BTC: variants seen among roughly 807,000 people sequenced by gnomAD.
The protein encoded by BTC is probetacellulin.
A neutral mutation model predicts 18.1 loss-of-function variants in BTC; 13 were observed. That is an observed-to-expected ratio of 0.72 (90% CI 0.47 to 1.14). The LOEUF is 1.14. Among genes scored for constraint, BTC ranks in the 50% most tolerant of loss-of-function variants. The pLI, the probability that BTC is intolerant of heterozygous loss-of-function variation, is 0.00. For missense variants in BTC, 247 were observed against 224.2 expected, an observed-to-expected ratio of 1.10 and a Z score of -0.65; for synonymous variants, 83 against 79.4, an observed-to-expected ratio of 1.05 and a Z score of -0.24.
At chr4:74,770,671 C>T (rs1725014229) in intron 1 of BTC, among the ~76,000 whole-genome samples, 1 of 151,914 alleles carries the variant, frequency 6.6e-6, no homozygotes, top group East Asian at 1.9e-4. Flanking sequence ...CTGAGAAGGA[C>T]GGGCCACATG....
At position 74,745,187 on chromosome 4, in the gene BTC, G is replaced by GA. The variant is rs1553955239; in HGVS notation, c.*1489dup. The GA allele has an allele frequency of 6.6e-6, 1 of 152,146 alleles. No individual in the cohort carries two copies. Among genetic ancestry groups the GA allele is most frequent in the African/African-American group, 2.4e-5 (1 of 41,442 alleles). 9.4% of individuals were successfully genotyped at this position (152,146 alleles called of 1,614,324 possible). On this transcript the variant is annotated 3_prime_UTR_variant, in exon 6 of 6. Transcript: ENST00000395743. Reference sequence around the variant, plus strand: ...TTCAAGTATGACCATTAAATCAGGAGAAAAAATAGATTTTGAAAATTATCA... The same window carrying GA: ...TTCAAGTATGACCATTAAATCAGGAGAAAAAAATAGATTTTGAAAATTATCA...
intron 1 of BTC, among the ~76,000 whole-genome samples, chr4:74,791,889 A>G (rs915831700): frequency 2.6e-5 from 4 of 152,014 alleles, no homozygotes; most frequent in African/African-American, 9.7e-5. Context: ...ACTTACAGAC[A>G]TCTCGGAGTC....
In BTC at chr4:74,755,971, T is replaced by C. The variant is rs2109884115; in HGVS notation, c.169A>G (p.Thr57Ala). 6.2e-7 allele frequency: 1 copy of C among 1,613,478 alleles called. No individual in the cohort carries two copies. The highest frequency in any genetic ancestry group is 2.2e-5 in the East Asian group (1 of 44,886). ...TGGCCTTTCCGCTTTGATTGTGTGGTGGTAGCTGGAAAATGAGAAAAAGTT... is the reference window on the plus strand; with the variant it reads ...TGGCCTTTCCGCTTTGATTGTGTGGCGGTAGCTGGAAAATGAGAAAAAGTT... The part of the protein sequence containing the change: ...GDPEENCAAT[T>A]TQSKRKGHFS... Residue 57 changes from threonine to alanine, a missense_variant, in exon 3 of 6, where the codon ACC (threonine) becomes GCC (alanine). Physicochemically the swap from Thr to Ala is moderately conservative, Grantham distance 58. Transcript: ENST00000395743.
intron 2 of BTC, among the ~76,000 whole-genome samples, chr4:74,758,466 C>A (rs1407163525): frequency 1.3e-5 from 2 of 151,856 alleles, no homozygotes; most frequent in African/African-American, 4.8e-5. Context: ...GGAGGGAGGG[C>A]AAGGAGATTA....
At chr4:74,784,962 C>T (rs917413807) in intron 1 of BTC, among the ~76,000 whole-genome samples, 1 of 152,118 alleles carries the variant, frequency 6.6e-6, no homozygotes, top group African/African-American at 2.4e-5. Flanking sequence ...GAAGTAATCC[C>T]TCCTTTTTAA....
chr4:74,762,095 G>A (rs1724773192), intron 2 of BTC, among the ~76,000 whole-genome samples: 1 of 152,196 alleles, frequency 6.6e-6, no homozygotes, highest in Non-Finnish European at 1.5e-5. Context: ...AAATGATACA[G>A]TCAGTACATA....
chr4:74,752,705 C>A (rs4346717), intron 3 of BTC, among the ~76,000 whole-genome samples: 1 of 151,732 alleles, frequency 6.6e-6, no homozygotes, highest in Admixed American at 6.6e-5. Context: ...TGCATGTATA[C>A]GAGGGAGATT....
intron 2 of BTC, among the ~76,000 whole-genome samples, chr4:74,768,792 G>A (rs1322331565): frequency 6.6e-6 from 1 of 152,128 alleles, no homozygotes; most frequent in African/African-American, 2.4e-5. Flanking sequence ...ATGATGATGA[G>A]GAAGATTTTT....
intron 1 of BTC, among the ~76,000 whole-genome samples, chr4:74,784,685 T>C (rs994578834): frequency 6.6e-6 from 1 of 152,224 alleles, no homozygotes; most frequent in Admixed American, 6.5e-5. Context: ...GAGATAATCA[T>C]GTGGTTTTTG....
intron 2 of BTC, among the ~76,000 whole-genome samples, chr4:74,767,036 C>A (rs58550864): frequency 0.032 from 4,887 of 151,968 alleles, 244 homozygotes; most frequent in African/African-American, 0.11. Flanking sequence ...CCAGTCTAAC[C>A]GCTTCTATGC....
chr4:74,778,968 G>T (rs1271305532), intron 1 of BTC, among the ~76,000 whole-genome samples: 1 of 152,126 alleles, frequency 6.6e-6, no homozygotes, highest in Non-Finnish European at 1.5e-5. Flanking sequence ...ATCATCTGGA[G>T]AACTGCCTAT....
At chr4:74,790,616 T>C (rs6834806) in intron 1 of BTC, among the ~76,000 whole-genome samples, 26,977 of 152,122 alleles carry the variant, frequency 0.18, 3,943 homozygotes, top group African/African-American at 0.41. Flanking sequence ...AGGAGCATCC[T>C]CTAGGTGTTG....
intron 3 of BTC, among the ~76,000 whole-genome samples, chr4:74,752,443 A>G (rs956309295): frequency 1.3e-5 from 2 of 150,198 alleles, no homozygotes; most frequent in African/African-American, 4.9e-5. Context: ...CAGTGGCGCA[A>G]TTTCGGTTCA....
chr4:74,788,278 CA>C (rs145359286), intron 1 of BTC, among the ~76,000 whole-genome samples: 2 of 151,896 alleles, frequency 1.3e-5, no homozygotes, highest in Non-Finnish European at 2.9e-5. Flanking sequence ...TAGTGCTACA[CA>C]AAAAAAATGG....
intron 3 of BTC, among the ~76,000 whole-genome samples, chr4:74,752,113 G>A (rs1447654507): frequency 1.3e-5 from 2 of 152,088 alleles, no homozygotes; most frequent in Non-Finnish European, 2.9e-5. Context: ...TTGTAGCTGA[G>A]ACAGTGCTTC....
chr4:74,770,514 T>C (rs528901494), intron 1 of BTC, among the ~76,000 whole-genome samples: 82 of 152,322 alleles, frequency 5.4e-4, no homozygotes, highest in African/African-American at 1.9e-3. Flanking sequence ...ATGGTGAACC[T>C]GCACGGCAAG....
chr4:74,764,466 G>A (rs1335455026), intron 2 of BTC, among the ~76,000 whole-genome samples: 1 of 152,196 alleles, frequency 6.6e-6, no homozygotes, highest in Non-Finnish European at 1.5e-5. Context: ...CTTAGAATGA[G>A]AGACTGGGGA....
Position 74,770,149 on chromosome 4 carries a change from C to T in BTC, c.72G>A (p.Val24=). Residue 24 remains valine, a synonymous_variant, in exon 2 of 6, where the codon GTG becomes GTA. Coordinates refer to ENST00000395743, the MANE Select transcript of BTC (RefSeq NM_001729.4). ...CATCTGCCACCACACAGTGAAGGAT[C>T]ACTAGACCTTCAAATTCAAAACAGA... ...PLLLALALGL[V]ILHCVVADGN... is the part of the protein sequence containing the mutation. The T allele has an allele frequency of 1.2e-6, 2 of 1,603,062 alleles. No individual in the cohort carries two copies. The highest frequency in any genetic ancestry group is 1.7e-6 in the Non-Finnish European group (2 of 1,176,568).
At chr4:74,755,497 C>T (rs937756907) in intron 3 of BTC, among the ~76,000 whole-genome samples, 1 of 152,198 alleles carries the variant, frequency 6.6e-6, no homozygotes, top group Non-Finnish European at 1.5e-5. Flanking sequence ...GGAATTTCCT[C>T]GTATTTACAC....
Sources: gnomAD v4.1 joint callset for allele counts (sites outside exome capture counted in the v4.1 genomes callset) on GRCh38, gnomAD v4.1.1 for gene constraint, MANE v1.5 for transcripts, NCBI Gene and HGNC (gene_info 2026-07-23, HGNC 2026-07-21) for gene names.